Variants in RAB22A observed in about 807,000 individuals in gnomAD.
RAB22A encodes the protein RAB22A, member RAS oncogene family, also known as ras-related protein Rab-22A.
RAB22A carries 13 observed loss-of-function variants against 30.2 expected under a neutral mutation model. The ratio of observed to expected loss-of-function variants is 0.43; its 90% CI spans 0.28 to 0.68. The LOEUF (loss-of-function observed/expected upper bound fraction) is 0.68. Among genes scored for constraint, RAB22A ranks in the 30% least tolerant of loss-of-function variants. The pLI, the probability that RAB22A is intolerant of heterozygous loss-of-function variation, is 0.18. For missense variants in RAB22A, 177 were observed against 246.8 expected (o/e 0.72, Z 1.89); for synonymous variants, 89 against 87.2 (o/e 1.02, Z -0.11).
At chr20:58,355,316 C>T (rs1299637101) in intron 6 of RAB22A, among the ~76,000 whole-genome samples, 2 of 152,182 alleles carry the variant, frequency 1.3e-5, no homozygotes, top group Non-Finnish European at 2.9e-5. Flanking sequence ...AGGCCCAGCT[C>T]CATCAGCTGG....
At chr20:58,337,322 C>G (rs1402968567) in intron 2 of RAB22A, among the ~76,000 whole-genome samples, 1 of 152,134 alleles carries the variant, frequency 6.6e-6, no homozygotes. Flanking sequence ...ATTCTCTTCT[C>G]CATTTCCATG....
intron 2 of RAB22A, among the ~76,000 whole-genome samples, chr20:58,333,845 C>T (rs1986700374): frequency 6.6e-6 from 1 of 152,038 alleles, no homozygotes; most frequent in African/African-American, 2.4e-5. Flanking sequence ...ATGCTGGAGG[C>T]CAGACGTTCA....
intron 2 of RAB22A, among the ~76,000 whole-genome samples, chr20:58,338,406 A>G (rs1272103666): frequency 6.6e-6 from 1 of 152,218 alleles, no homozygotes; most frequent in African/African-American, 2.4e-5. Flanking sequence ...AGAAGGTGAT[A>G]AAGGATTTGC....
In RAB22A at chr20:58,359,730, G is replaced by A; in HGVS notation, c.*27G>A. 6.4e-7 allele frequency: 1 copy of A among 1,562,996 alleles called. No individual in the cohort carries two copies. Among genetic ancestry groups the A allele is most frequent in the Non-Finnish European group, 8.8e-7 (1 of 1,135,314 alleles). On this transcript the variant is annotated 3_prime_UTR_variant, in exon 7 of 7. Coordinates refer to ENST00000244040, the MANE Select transcript of RAB22A (RefSeq NM_020673.3). The stretch of plus-strand genomic sequence containing the variant: ...CGAACCTCAGCCTCTCAGACTTGAT[G>A]ATGAAGTAGGTGGTCCTGAAAGTTA...
chr20:58,342,670 A>T (rs147770577), intron 2 of RAB22A, among the ~76,000 whole-genome samples: 2,071 of 151,890 alleles, frequency 0.014, 45 homozygotes, highest in African/African-American at 0.047. Flanking sequence ...AAAAAAGTAT[A>T]ACTTCGTACT....
chr20:58,339,690 G>GT (rs1986822382), intron 2 of RAB22A, among the ~76,000 whole-genome samples: 2 of 152,182 alleles, frequency 1.3e-5, no homozygotes, highest in South Asian at 4.1e-4. Flanking sequence ...CAGACATAAC[G>GT]TTCTGTGATT....
At position 58,331,759 on chromosome 20, in the gene RAB22A, C is replaced by G. The variant is rs540793112; in HGVS notation, c.117-11959C>G. On this transcript the variant is annotated intron_variant, in intron 2 of 6. Coordinates refer to ENST00000244040, the MANE Select transcript of RAB22A (RefSeq NM_020673.3). ...TGTGTTTCTTGGCTTCAATGTCCAC[C>G]CCTAAAATGTCACAACAGAATTTCT... Among the ~76,000 whole-genome samples, 168 of 152,136 alleles carry G rather than the reference C, an allele frequency of 1.1e-3. 2 individuals are homozygous for G. The highest frequency in any genetic ancestry group is 1.7e-3 in the South Asian group (8 of 4,816).
At position 58,360,984 on chromosome 20, in the gene RAB22A, C is replaced by G. The variant is rs1412281587; in HGVS notation, c.*1281C>G. On this transcript the variant is annotated 3_prime_UTR_variant, in exon 7 of 7. Transcript: ENST00000244040. Reference sequence around the variant, plus strand: ...AGCTTGTACAGCATCCTCAGACCAACTGAGGAGCTTTCCTTGTTAACAATT... The same window carrying G: ...AGCTTGTACAGCATCCTCAGACCAAGTGAGGAGCTTTCCTTGTTAACAATT... The G allele has an allele frequency of 1.3e-5, 2 of 152,554 alleles. No homozygotes were observed. Among genetic ancestry groups the G allele is most frequent in the Non-Finnish European group, 2.9e-5 (2 of 68,036 alleles). 9.5% of individuals were successfully genotyped at this position (152,554 alleles called of 1,614,324 possible).
At chr20:58,356,772 A>G (rs748944172) in intron 6 of RAB22A, among the ~76,000 whole-genome samples, 1 of 152,158 alleles carries the variant, frequency 6.6e-6, no homozygotes, top group South Asian at 2.1e-4. Flanking sequence ...ATTCTGCATT[A>G]CATTTTTAGA....
chr20:58,359,858 G>C lies in RAB22A; in HGVS notation c.*155G>C, dbSNP rs979541127. On this transcript the variant is annotated 3_prime_UTR_variant, in exon 7 of 7. Coordinates refer to ENST00000244040, the MANE Select transcript of RAB22A (RefSeq NM_020673.3). ...AAATGGACCAGTTCTGTTCTCCAAA[G>C]ACTGCAGCAATGATATTTCAGTCTG... is the stretch of plus-strand genomic sequence containing the variant. The C allele has an allele frequency of 2.0e-5, 11 of 542,128 alleles. No individual in the cohort carries two copies. Among genetic ancestry groups the C allele is most frequent in the African/African-American group, 1.5e-4 (8 of 51,774 alleles). The allele number at this position is 542,128 out of a possible 1,614,324, so 33.6% of individuals were successfully genotyped here.
At position 58,312,725 on chromosome 20, in the gene RAB22A, C is replaced by T. The variant is rs150481322; in HGVS notation, c.116+1603C>T. ...CAGGATGGTCTCTCTCTCCTGACCT[C>T]GTGATCCGCCTGCCTTGGCCTCCCA... On this transcript the variant is annotated intron_variant, in intron 2 of 6. Coordinates refer to ENST00000244040, the MANE Select transcript of RAB22A (RefSeq NM_020673.3). Among the ~76,000 whole-genome samples the T allele has an allele frequency of 3.4e-3, 516 of 151,958 alleles. 1 individual carries two copies. The highest frequency in any genetic ancestry group is 0.012 in the African/African-American group (486 of 41,438).
chr20:58,344,169 C>T (rs537774868), intron 3 of RAB22A, among the ~76,000 whole-genome samples: 3 of 152,254 alleles, frequency 2.0e-5, no homozygotes, highest in East Asian at 3.9e-4. Flanking sequence ...ACTCATTTAT[C>T]GCTGCCTTTT....
chr20:58,348,902 A>G (rs754957043), intron 3 of RAB22A, among the ~76,000 whole-genome samples: 5 of 152,230 alleles, frequency 3.3e-5, no homozygotes, highest in Admixed American at 6.5e-5. Context: ...AGGTTAGACA[A>G]GCTTGGTCTG....
At position 58,309,892 on chromosome 20, in the gene RAB22A, G is replaced by A; in HGVS notation, c.-85G>A. The A allele has an allele frequency of 1.7e-6, 2 of 1,210,386 alleles. No homozygotes were observed. Among genetic ancestry groups the A allele is most frequent in the East Asian group, 3.2e-5 (1 of 31,374 alleles). 75.0% of individuals were successfully genotyped at this position (1,210,386 alleles called of 1,614,324 possible). A position where few individuals can be genotyped will look rare whatever the true frequency, so the allele number is the denominator to read the frequency against. ...CGGGGCTGGGCCGTGCGGCGGCAGC[G>A]GCGCCAGGGGATGCTCTTGCTGGGC... On this transcript the variant is annotated 5_prime_UTR_variant, in exon 1 of 7. Transcript: ENST00000244040.
chr20:58,345,831 C>G (rs1257804628), intron 3 of RAB22A: 1 of 152,508 alleles, frequency 6.6e-6, no homozygotes, highest in Non-Finnish European at 1.5e-5. Context: ...TCACCTCCTC[C>G]CACCAGTCTG....
At chr20:58,326,137 T>C (rs1986565582) in intron 2 of RAB22A, among the ~76,000 whole-genome samples, 1 of 151,644 alleles carries the variant, frequency 6.6e-6, no homozygotes, top group African/African-American at 2.4e-5. Flanking sequence ...TGGATCTTTT[T>C]CCTGTTTTGT....
chr20:58,342,912 A>G (rs1459692785), intron 2 of RAB22A, among the ~76,000 whole-genome samples: 1 of 152,102 alleles, frequency 6.6e-6, no homozygotes, highest in Non-Finnish European at 1.5e-5. Context: ...CTTCTGGGCC[A>G]CCATGGCTCT....
chr20:58,350,804 T>C (rs1302458832), intron 3 of RAB22A, among the ~76,000 whole-genome samples: 1 of 152,210 alleles, frequency 6.6e-6, no homozygotes, highest in Non-Finnish European at 1.5e-5. Flanking sequence ...TTCAGATCCA[T>C]AGGAAGAAAT....
At chr20:58,315,064 G>A (rs1398766805) in intron 2 of RAB22A, among the ~76,000 whole-genome samples, 3 of 152,024 alleles carry the variant, frequency 2.0e-5, no homozygotes, top group African/African-American at 7.3e-5. Flanking sequence ...GAGCCAGCAG[G>A]GACCAGTCCA....
Sources: allele counts gnomAD v4.1 joint callset (sites outside exome capture counted in the v4.1 genomes callset), GRCh38; gene constraint gnomAD v4.1.1; transcripts MANE v1.5; gene names NCBI Gene and HGNC (gene_info 2026-07-23, HGNC 2026-07-21).